The following WDR5 variants were observed in gnomAD, a reference collection of about 807,000 sequenced individuals.
The protein encoded by WDR5 is WD repeat domain 5, also known as WD repeat-containing protein 5.
For missense variants in WDR5, 187 were observed against 416.9 expected, an observed-to-expected ratio of 0.45 and a Z score of 4.80; for synonymous variants, 144 against 161.6, an observed-to-expected ratio of 0.89 and a Z score of 0.83.
At chr9:134,146,787 T>C (rs1832227737) in intron 7 of WDR5, among the ~76,000 whole-genome samples, 1 of 152,222 alleles carries the variant, frequency 6.6e-6, no homozygotes, top group South Asian at 2.1e-4. Flanking sequence ...AAGAGACTGT[T>C]TTGCACATTT....
In WDR5 at chr9:134,158,659, C is replaced by T. The variant is rs547797897; in HGVS notation, c.*666C>T. ...TCCCTGCAACAAGCAGCACCGCAGACTGTAATAAAAGGTGGGGTTTTGTGA... is the reference window on the plus strand; with the variant it reads ...TCCCTGCAACAAGCAGCACCGCAGATTGTAATAAAAGGTGGGGTTTTGTGA... On this transcript the variant is annotated 3_prime_UTR_variant, in exon 14 of 14. Transcript: ENST00000358625. 6.6e-6 allele frequency: 1 copy of T among 152,390 alleles called. No homozygotes were observed. Among genetic ancestry groups the T allele is most frequent in the East Asian group, 1.9e-4 (1 of 5,180 alleles). The allele number at this position is 152,390 out of a possible 1,614,324, so 9.4% of individuals were successfully genotyped here. A position where few individuals can be genotyped will look rare whatever the true frequency, so the allele number is the denominator to read the frequency against.
chr9:134,140,360 C>G (rs1408959939), intron 2 of WDR5, among the ~76,000 whole-genome samples: 1 of 151,988 alleles, frequency 6.6e-6, no homozygotes, highest in Non-Finnish European at 1.5e-5. Context: ...AAGGCCAGAG[C>G]TGGTGGGGGC....
In WDR5 at chr9:134,152,047, T is replaced by TGG. The variant is rs1832518129; in HGVS notation, c.631+22_631+23dup. ...GCTCATCGGTGAGTGTGGCTCTGTGTGGGGGCTGGGTCTGTGGGGAGGGCC... is the reference window on the plus strand; with the variant it reads ...GCTCATCGGTGAGTGTGGCTCTGTGTGGGGGGGCTGGGTCTGTGGGGAGGGCC... On this transcript the variant is annotated intron_variant, in intron 9 of 13. Transcript: ENST00000358625. 5 of 1,613,024 alleles carry TGG rather than the reference T, an allele frequency of 3.1e-6. No homozygotes were observed. The highest frequency in any genetic ancestry group is 1.3e-5 in the African/African-American group (1 of 74,858).
intron 12 of WDR5, among the ~76,000 whole-genome samples, chr9:134,156,271 C>T (rs1212873575): frequency 6.6e-6 from 1 of 152,210 alleles, no homozygotes; most frequent in East Asian, 1.9e-4. Flanking sequence ...AGGCAGGTGC[C>T]TGGCTTCTGT....
intron 7 of WDR5, among the ~76,000 whole-genome samples, chr9:134,145,437 G>C (rs1447439319): frequency 1.3e-5 from 2 of 152,162 alleles, no homozygotes; most frequent in Non-Finnish European, 2.9e-5. Context: ...TATGCCCTTG[G>C]ATTGCTGGTG....
chr9:134,149,108 C>G (rs28597926), intron 8 of WDR5, among the ~76,000 whole-genome samples: 6 of 152,050 alleles, frequency 3.9e-5, no homozygotes, highest in Non-Finnish European at 7.4e-5. Context: ...CACGCACACT[C>G]GAAATCTGTT....
intron 1 of WDR5, among the ~76,000 whole-genome samples, chr9:134,138,819 T>C (rs1564187085): frequency 6.6e-6 from 1 of 152,212 alleles, no homozygotes; most frequent in Non-Finnish European, 1.5e-5. Flanking sequence ...AGCTAGAATT[T>C]ACAGTGTGTA....
chr9:134,146,936 C>G (rs1375633620), intron 7 of WDR5, among the ~76,000 whole-genome samples: 1 of 152,248 alleles, frequency 6.6e-6, no homozygotes, highest in African/African-American at 2.4e-5. Context: ...ACTCACCCCT[C>G]TGTGTCTGCT....
At position 134,154,533 on chromosome 9, in the gene WDR5, G is replaced by T; in HGVS notation, c.699G>T (p.Thr233=). The T allele has an allele frequency of 6.2e-7, 1 of 1,614,144 alleles. No individual in the cohort carries two copies. The change falls in exon 10 of 14, where the codon ACG becomes ACT. Residue 233 remains threonine, a synonymous_variant. Transcript: ENST00000358625. ...SPNGKYILAA[T]LDNTLKLWDY... ...ACGGCAAATACATCCTGGCCGCCACGCTGGACAAGTGAGTACTGCGTGGGA... is the reference window on the plus strand; with the variant it reads ...ACGGCAAATACATCCTGGCCGCCACTCTGGACAAGTGAGTACTGCGTGGGA...
chr9:134,151,897 G>T lies in WDR5; in HGVS notation c.585-86G>T, dbSNP rs377756238. 1.0e-4 allele frequency: 139 copies of T among 1,365,448 alleles called. No homozygotes were observed. In the African/African-American group the frequency reaches 1.8e-3, roughly 18 times the overall value. The allele number at this position is 1,365,448 out of a possible 1,614,324, so 84.6% of individuals were successfully genotyped here. On this transcript the variant is annotated intron_variant, in intron 8 of 13. Transcript: ENST00000358625. ...AAAAAAGATAGGGAAAAGCGTGCTA[G>T]TCCTAAAATTTATATCTGACTCCCA...
chr9:134,141,842 T>C, intron 4 of WDR5, 107 bp from the exon 5 acceptor site: 2 of 1,151,972 alleles, frequency 1.7e-6, no homozygotes, highest in South Asian at 2.7e-5. Flanking sequence ...AGGTTAACAC[T>C]AGTGAGAAGA....
At chr9:134,135,870 G>T (rs1187711820), upstream of WDR5, 1 of 151,652 alleles carries the variant, frequency 6.6e-6, no homozygotes, top group Non-Finnish European at 1.5e-5. Flanking sequence ...TCAGTTTTTA[G>T]GAAGTGCATT....
chr9:134,141,634 A>G (rs899275709), intron 4 of WDR5, 51 bp downstream of exon 4: 3 of 1,588,070 alleles, frequency 1.9e-6, no homozygotes, highest in South Asian at 1.1e-5. Flanking sequence ...GGGTGGCTCT[A>G]GTGATCAAGG....
chr9:134,157,810 A>C lies in WDR5; in HGVS notation c.905-83A>C, dbSNP rs1202605883. Reference sequence around the variant, plus strand: ...GGGCAGGCGCTACCCGCGTTTCTGGAGAAAGGTGGAGCTCAGTCTGGGATG... The same window carrying C: ...GGGCAGGCGCTACCCGCGTTTCTGGCGAAAGGTGGAGCTCAGTCTGGGATG... On this transcript the variant is annotated intron_variant, in intron 13 of 13. Coordinates refer to ENST00000358625, the MANE Select transcript of WDR5 (RefSeq NM_017588.3). The surrounding 1 kb of genome is among the most constrained non-coding windows in gnomAD (Gnocchi z 5.0). 113 of 1,370,654 alleles carry C rather than the reference A, an allele frequency of 8.2e-5. No homozygotes were observed. The highest frequency in any genetic ancestry group is 1.1e-4 in the Non-Finnish European group (107 of 969,258). 84.9% of individuals were successfully genotyped at this position (1,370,654 alleles called of 1,614,324 possible). A position where few individuals can be genotyped will look rare whatever the true frequency, so the allele number is the denominator to read the frequency against.
At chr9:134,151,678 T>C (rs1413629959) in intron 8 of WDR5, among the ~76,000 whole-genome samples, 1 of 151,336 alleles carries the variant, frequency 6.6e-6, no homozygotes, top group African/African-American at 2.4e-5. Flanking sequence ...CCAGGGAGAG[T>C]GGAGAGAGCA....
chr9:134,155,621 C>T, intron 11 of WDR5, 72 bp from the exon 12 acceptor site: 3 of 1,515,404 alleles, frequency 2.0e-6, no homozygotes, highest in Non-Finnish European at 2.7e-6. Context: ...AAACGCCTTG[C>T]TTAGAACGTA....
chr9:134,139,812 C>T lies in WDR5; in HGVS notation c.-58-8C>T. On this transcript the variant is annotated splice_region_variant and splice_polypyrimidine_tract_variant and intron_variant, in intron 1 of 13. Transcript: ENST00000358625. Reference sequence around the variant, plus strand: ...TCTTGGCTCCCTGTTCTGCATCTCGCTCAACAGACTGCCTCTGTCACCGGG... The same window carrying T: ...TCTTGGCTCCCTGTTCTGCATCTCGTTCAACAGACTGCCTCTGTCACCGGG... 2 of 1,565,092 alleles carry T rather than the reference C, an allele frequency of 1.3e-6. No individual in the cohort carries two copies. Among genetic ancestry groups the T allele is most frequent in the Admixed American group, 1.7e-5 (1 of 58,356 alleles).
chr9:134,138,172 C>T (rs1031165678), intron 1 of WDR5, among the ~76,000 whole-genome samples: 9 of 152,194 alleles, frequency 5.9e-5, no homozygotes, highest in African/African-American at 1.9e-4. Context: ...TGTAAGACCG[C>T]CTATCTGTTG....
rs1340752684 is a variant in WDR5, at chr9:134,157,897, C to T, written c.909C>T (p.Val303=). Reference sequence around the variant, plus strand: ...TGACTGTGTCTTTGTTTTCAGATGTCGTGATCTCAACAGCTTGTCACCCAA... The same window carrying T: ...TGACTGTGTCTTTGTTTTCAGATGTTGTGATCTCAACAGCTTGTCACCCAA... The part of the protein sequence containing the change: ...IVQKLQGHTD[V]VISTACHPTE... The change falls in exon 14 of 14, where the codon GTC becomes GTT. Residue 303 remains valine (V), a synonymous_variant. Transcript: ENST00000358625. The surrounding 1 kb of genome is among the most constrained non-coding windows in gnomAD (Gnocchi z 5.0). 9.9e-6 allele frequency: 16 copies of T among 1,613,940 alleles called. No individual in the cohort carries two copies. Among genetic ancestry groups the T allele is most frequent in the African/African-American group, 1.3e-5 (1 of 75,040 alleles).
Sources: allele counts gnomAD v4.1 joint callset (sites outside exome capture counted in the v4.1 genomes callset), GRCh38; gene constraint gnomAD v4.1.1; non-coding constraint Gnocchi (gnomAD v3.1); transcripts MANE v1.5; gene names NCBI Gene and HGNC (gene_info 2026-07-23, HGNC 2026-07-21).